MTUS2: variants seen among roughly 807,000 people sequenced by gnomAD.
The protein encoded by MTUS2 is microtubule-associated tumor suppressor candidate 2.
MTUS2 carries 40 observed loss-of-function variants against 114.1 expected under a neutral mutation model. The observed-to-expected ratio is 0.35, with a 90% CI of 0.27 to 0.46. MTUS2 has a LOEUF of 0.46. MTUS2 is among the 20% of genes least tolerant of loss of function. MTUS2 has a pLI of 1.00. For synonymous variants in MTUS2, 688 were observed against 672.0 expected (o/e 1.02, Z -0.37); for missense variants, 1,679 against 1,705.4 (o/e 0.98, Z 0.27).
At chr13:28,962,333 T>A (rs1049614173) in intron 2 of MTUS2, among the ~76,000 whole-genome samples, 4 of 152,146 alleles carry the variant, frequency 2.6e-5, no homozygotes, top group African/African-American at 9.6e-5. Context: ...CTCCTTGATA[T>A]TTCCCATATT....
chr13:29,150,341 G>A (rs192598735), intron 5 of MTUS2, among the ~76,000 whole-genome samples: 40 of 152,106 alleles, frequency 2.6e-4, no homozygotes, highest in Admixed American at 8.5e-4. Flanking sequence ...TTGGCTCCTC[G>A]TATGTCTTCT....
chr13:29,253,157 G>A (rs578064175), intron 5 of MTUS2, among the ~76,000 whole-genome samples: 1 of 151,016 alleles, frequency 6.6e-6, no homozygotes, highest in African/African-American at 2.4e-5. Context: ...TGGTCACAGT[G>A]GCTCACGCCT....
intron 2 of MTUS2, among the ~76,000 whole-genome samples, chr13:28,998,843 C>G (rs1885245986): frequency 6.6e-6 from 1 of 152,130 alleles, no homozygotes; most frequent in Admixed American, 6.5e-5. Flanking sequence ...CGAACTTCCT[C>G]CTTTAGCTCG....
At chr13:29,313,522 A>G (rs1352035882) in intron 6 of MTUS2, among the ~76,000 whole-genome samples, 1 of 152,184 alleles carries the variant, frequency 6.6e-6, no homozygotes, top group Non-Finnish European at 1.5e-5. Context: ...GTTGGAGATT[A>G]TATAGAGAGA....
intron 5 of MTUS2, among the ~76,000 whole-genome samples, chr13:29,109,340 C>A (rs1046889843): frequency 6.6e-6 from 1 of 152,068 alleles, no homozygotes; most frequent in Non-Finnish European, 1.5e-5. Context: ...CATTTAAGAT[C>A]TATCTTCTTT....
rs772487841 is a variant in MTUS2 at position 29,025,544 on chromosome 13, T to A, written c.846T>A (p.Pro282=). The A allele has an allele frequency of 3.2e-5, 51 of 1,613,800 alleles. No individual in the cohort carries two copies. The highest frequency in any genetic ancestry group is 4.1e-5 in the Non-Finnish European group (48 of 1,179,844). ...EHTSHSAHPE[P]ALNLTLASKE... ...CATCACATTCCGCCCATCCAGAGCC[T>A]GCTCTGAATTTGACTTTGGCATCGA... The change falls in exon 3 of 16, where the codon CCT becomes CCA. Residue 282 remains proline (P), a synonymous_variant. Transcript: ENST00000612955.
intron 6 of MTUS2, among the ~76,000 whole-genome samples, chr13:29,282,650 A>G (rs781262543): frequency 7.2e-5 from 11 of 152,168 alleles, no homozygotes; most frequent in Non-Finnish European, 1.5e-4. Flanking sequence ...GGATGGTAGA[A>G]TGAATGTTGA....
At chr13:29,494,767 G>T (rs922134647) in intron 12 of MTUS2, among the ~76,000 whole-genome samples, 11 of 152,114 alleles carry the variant, frequency 7.2e-5, no homozygotes, top group African/African-American at 2.7e-4. Context: ...GGCTGGGCAC[G>T]GTGGCTTATG....
rs750664817 is a variant in MTUS2 at position 29,033,977 on chromosome 13, T to TA, written c.2300dup (p.Pro768AlafsTer121). On this transcript the variant is annotated frameshift_variant, in exon 4 of 16. Coordinates refer to ENST00000612955, the MANE Select transcript of MTUS2 (RefSeq NM_001033602.4). LOFTEE classifies it high-confidence loss of function. Reference sequence around the variant, plus strand: ...CTTTCTATCGGTCAGCCATGCTCCTTAAGCCCCAGCTAGGATTGGGTGCAA... The same window carrying TA: ...CTTTCTATCGGTCAGCCATGCTCCTTAAAGCCCCAGCTAGGATTGGGTGCAA... The TA allele has an allele frequency of 6.2e-7, 1 of 1,613,996 alleles. No individual in the cohort carries two copies.
intron 4 of MTUS2, among the ~76,000 whole-genome samples, chr13:29,097,602 A>C (rs1380396547): frequency 6.6e-6 from 1 of 152,216 alleles, no homozygotes; most frequent in African/African-American, 2.4e-5. Context: ...TACCATAGAC[A>C]GTGTAGCGTA....
chr13:28,866,771 C>G (rs1237228291), intron 2 of MTUS2, among the ~76,000 whole-genome samples: 1 of 152,090 alleles, frequency 6.6e-6, no homozygotes, highest in Non-Finnish European at 1.5e-5. Context: ...ACAGGTTCCT[C>G]TGTCTTGTAT....
chr13:29,246,274 C>A (rs1217388862), intron 5 of MTUS2, among the ~76,000 whole-genome samples: 1 of 152,170 alleles, frequency 6.6e-6, no homozygotes, highest in African/African-American at 2.4e-5. Context: ...CAGGCAAGAA[C>A]ACTAGGGAAG....
chr13:29,064,859 G>C (rs182580237), intron 4 of MTUS2, among the ~76,000 whole-genome samples: 1 of 152,254 alleles, frequency 6.6e-6, no homozygotes, highest in East Asian at 1.9e-4. Flanking sequence ...GCTGTCACTT[G>C]TAAGTGAGAA....
chr13:29,102,999 G>A (rs1890485543), intron 5 of MTUS2, among the ~76,000 whole-genome samples: 2 of 152,158 alleles, frequency 1.3e-5, no homozygotes, highest in African/African-American at 2.4e-5. Flanking sequence ...CTTTGCTGGA[G>A]CAAAGCTTTG....
At chr13:29,450,498 C>T (rs1878609272) in intron 9 of MTUS2, among the ~76,000 whole-genome samples, 1 of 152,132 alleles carries the variant, frequency 6.6e-6, no homozygotes, top group Admixed American at 6.5e-5. Context: ...CTCTCTCGCC[C>T]AGCTTTAAAG....
intron 8 of MTUS2, among the ~76,000 whole-genome samples, chr13:29,389,202 T>C (rs1330765073): frequency 1.3e-5 from 2 of 150,110 alleles, no homozygotes; most frequent in African/African-American, 2.4e-5. Context: ...TATATAGATA[T>C]ATATTTTTTC....
chr13:29,172,294 A>C (rs1490090517), intron 5 of MTUS2, among the ~76,000 whole-genome samples: 1 of 152,188 alleles, frequency 6.6e-6, no homozygotes, highest in East Asian at 1.9e-4. Flanking sequence ...CCCCTCAAAC[A>C]TGCTGGCTTC....
intron 5 of MTUS2, among the ~76,000 whole-genome samples, chr13:29,103,654 C>T (rs1777449893): frequency 1.3e-5 from 2 of 152,068 alleles, no homozygotes; most frequent in South Asian, 4.1e-4. Context: ...ACCAGCAACA[C>T]CACAAACGTG....
chr13:29,304,336 C>T (rs1899341541), intron 6 of MTUS2, among the ~76,000 whole-genome samples: 1 of 152,094 alleles, frequency 6.6e-6, no homozygotes, highest in Admixed American at 6.5e-5. Flanking sequence ...TTGAAAGGCA[C>T]AGAATGGCAA....
Sources: allele counts gnomAD v4.1 joint callset (sites outside exome capture counted in the v4.1 genomes callset), GRCh38; gene constraint gnomAD v4.1.1; transcripts MANE v1.5; gene names NCBI Gene and HGNC (gene_info 2026-07-23, HGNC 2026-07-21).